The following TMEM50B variants were observed in gnomAD, a reference collection of about 807,000 sequenced individuals.
TMEM50B encodes the protein HCV p7-trans-regulated protein 3.
In TMEM50B, 14 loss-of-function variants were observed where a neutral mutation model predicts 23.4. The observed-to-expected ratio is 0.60, with a 90% CI of 0.39 to 0.93. The LOEUF is 0.93. Ranked by LOEUF, TMEM50B falls within the 40% of genes least tolerant of loss-of-function variation. The pLI is 0.00. For synonymous variants in TMEM50B, 64 were observed against 62.3 expected, an observed-to-expected ratio of 1.03 and a Z score of -0.13; for missense variants, 159 against 193.0, an observed-to-expected ratio of 0.82 and a Z score of 1.04.
intron 6 of TMEM50B, among the ~76,000 whole-genome samples, chr21:33,451,688 C>A (rs546919290): frequency 1.4e-4 from 21 of 151,968 alleles, no homozygotes; most frequent in Non-Finnish European, 3.1e-4. Flanking sequence ...TGTCAGCAAC[C>A]CAAGAAGGGA....
chr21:33,434,833 ATC>A (rs557935330), intron 8 of TMEM50B, among the ~76,000 whole-genome samples: 4 of 152,048 alleles, frequency 2.6e-5, no homozygotes, highest in African/African-American at 7.2e-5. Flanking sequence ...TGCAGTAATA[ATC>A]TCTCTCTCTC....
intron 5 of TMEM50B, among the ~76,000 whole-genome samples, chr21:33,459,058 G>C (rs529736790): frequency 2.0e-5 from 3 of 152,288 alleles, no homozygotes; most frequent in African/African-American, 7.2e-5. Context: ...AAGCAAAGAA[G>C]GCTGACAAAG....
chr21:33,439,769 C>G (rs779879799), intron 7 of TMEM50B, among the ~76,000 whole-genome samples: 1 of 151,446 alleles, frequency 6.6e-6, no homozygotes, highest in Non-Finnish European at 1.5e-5. Flanking sequence ...CTGTCAAGGC[C>G]AGGCGCAGTG....
At chr21:33,468,452 A>T (rs1007496516) in intron 2 of TMEM50B, 3 of 202,180 alleles carry the variant, frequency 1.5e-5, no homozygotes, top group Non-Finnish European at 3.0e-5. Context: ...AGTCACAACA[A>T]TAATTTTGGG....
At chr21:33,469,034 T>C (rs1276545857) in intron 1 of TMEM50B, 108 bp from the exon 2 acceptor site, 6 of 637,828 alleles carry the variant, frequency 9.4e-6, no homozygotes, top group Non-Finnish European at 1.6e-5. Flanking sequence ...TTAGGTCCTA[T>C]TCTACTATAG....
rs372103328 is a variant in TMEM50B, at chr21:33,443,126, G to A, written c.*2037-3829C>T. Among the ~76,000 whole-genome samples the A allele has an allele frequency of 4.2e-3, 646 of 152,290 alleles. 5 individuals carry two copies. Among genetic ancestry groups the A allele is most frequent in the African/African-American group, 0.015 (620 of 41,560 alleles). On this transcript the variant is annotated intron_variant and NMD_transcript_variant, in intron 7 of 8. Transcript: ENST00000420455. The stretch of plus-strand genomic sequence containing the variant: ...GTATTTTTGTATCTGAAAAGCCTAA[G>A]AGAGGGTCAAACCCTTAAAGAGCTG...
intron 4 of TMEM50B, among the ~76,000 whole-genome samples, chr21:33,464,804 C>CAAAAAAAAAGAAAAAAAAAAAAAAAA (rs2084249984): frequency 9.9e-6 from 1 of 100,896 alleles, no homozygotes. Flanking sequence ...AACTCCGTCT[C>CAAAAAAAAAGAAAAAAAAAAAAAAAA]AAAAAAAAAA....
intron 1 of TMEM50B, among the ~76,000 whole-genome samples, chr21:33,472,314 C>T (rs1425578836): frequency 6.7e-6 from 1 of 148,850 alleles, no homozygotes; most frequent in African/African-American, 2.5e-5. Flanking sequence ...ACCCAGGAGG[C>T]GGAGGTTGCA....
At position 33,469,364 on chromosome 21, in the gene TMEM50B, T is replaced by C. The variant is rs1423005655; in HGVS notation, c.-41-438A>G. 1.3e-5 allele frequency among the ~76,000 whole-genome samples: 2 copies of C among 152,084 alleles called. 1 individual carries two copies. The highest frequency in any genetic ancestry group is 1.3e-4 in the Admixed American group (2 of 15,260). ...TACTCGGGAGGCTGAGGAACAAGAA[T>C]TGCTTGAACCTGGAAGGCAGAGATT... On this transcript the variant is annotated intron_variant, in intron 1 of 6. Transcript: ENST00000542230.
chr21:33,453,214 C>T (rs904519508), intron 6 of TMEM50B, among the ~76,000 whole-genome samples: 1 of 152,028 alleles, frequency 6.6e-6, no homozygotes, highest in Non-Finnish European at 1.5e-5. Context: ...CTCAGCCTTC[C>T]GAGTAGCTGG....
intron 2 of TMEM50B, among the ~76,000 whole-genome samples, chr21:33,468,252 A>G (rs1412120867): frequency 1.3e-5 from 2 of 151,820 alleles, no homozygotes; most frequent in African/African-American, 4.8e-5. Context: ...AAAGTTAAAA[A>G]ATGATGGAAA....
chr21:33,458,369 C>A (rs2084188604), intron 5 of TMEM50B, among the ~76,000 whole-genome samples: 1 of 152,098 alleles, frequency 6.6e-6, no homozygotes, highest in Non-Finnish European at 1.5e-5. Context: ...CAAAAATTAT[C>A]TGGGCGTGGT....
chr21:33,473,829 A>C (rs952935156), intron 1 of TMEM50B, among the ~76,000 whole-genome samples: 4 of 152,216 alleles, frequency 2.6e-5, no homozygotes, highest in Non-Finnish European at 4.4e-5. Context: ...TAGCACATCC[A>C]TACAACGAAA....
At chr21:33,468,193 T>A (rs2123449647) in intron 2 of TMEM50B, among the ~76,000 whole-genome samples, 1 of 151,774 alleles carries the variant, frequency 6.6e-6, no homozygotes, top group African/African-American at 2.4e-5. Flanking sequence ...GGTGATGGAA[T>A]CTTTATACCA....
rs1191361617 is a variant in TMEM50B, at chr21:33,459,623, A to G, written c.373+790T>C. 2.0e-5 allele frequency among the ~76,000 whole-genome samples: 3 copies of G among 149,580 alleles called. No homozygotes were observed. The East Asian group carries it at 5.9e-4, about 29-fold the overall frequency. ...GCGGAGGTTGCAGTGAGCCGAGATC[A>G]CACCACTGCACTCCATCCTGGGTGA... is the stretch of plus-strand genomic sequence containing the variant. On this transcript the variant is annotated intron_variant, in intron 5 of 6. Transcript: ENST00000542230.
chr21:33,478,870 G>A, intron 1 of TMEM50B: 1 of 470,064 alleles, frequency 2.1e-6, no homozygotes, highest in Non-Finnish European at 4.4e-6. Context: ...GAAGTGTCAA[G>A]GGATCCACAG....
At chr21:33,456,090 G>C in intron 5 of TMEM50B, 1 of 608,934 alleles carries the variant, frequency 1.6e-6, no homozygotes, top group Non-Finnish European at 3.2e-6. Context: ...TGCCTCCTAT[G>C]GCCAACACTG....
chr21:33,432,713 G>T, exon 9 of TMEM50B: 7 of 1,614,052 alleles, frequency 4.3e-6, no homozygotes, highest in Non-Finnish European at 5.9e-6. Context: ...CCTCTTTTTA[G>T]CCTCCACTGA....
chr21:33,458,913 T>C (rs2084192955), intron 5 of TMEM50B, among the ~76,000 whole-genome samples: 1 of 152,210 alleles, frequency 6.6e-6, no homozygotes. Flanking sequence ...CTGACTTATT[T>C]TGTATCAAGT....
Sources: gnomAD v4.1 joint callset for allele counts (sites outside exome capture counted in the v4.1 genomes callset) on GRCh38, gnomAD v4.1.1 for gene constraint, MANE v1.5 for transcripts, NCBI Gene and HGNC (gene_info 2026-07-23, HGNC 2026-07-21) for gene names.